The following SOX6 variants were observed in gnomAD, a reference collection of about 807,000 sequenced individuals.
SOX6 encodes SRY-box transcription factor 6.
In SOX6, 11 loss-of-function variants were observed where a neutral mutation model predicts 97.8. The observed-to-expected ratio is 0.11, with a 90% CI of 0.07 to 0.19. The LOEUF (loss-of-function observed/expected upper bound fraction) is 0.19, where lower values mean the gene tolerates loss of function less well. SOX6 is among the 10% of genes least tolerant of loss of function. The pLI is 1.00. For synonymous variants in SOX6, 360 were observed against 371.4 expected (o/e 0.97, Z 0.35); for missense variants, 810 against 1,039.5 (o/e 0.78, Z 3.04).
intron 6 of SOX6, among the ~76,000 whole-genome samples, chr11:16,141,858 G>A (rs932701660): frequency 1.7e-4 from 26 of 152,156 alleles, no homozygotes; most frequent in Non-Finnish European, 8.8e-5. Context: ...TGGCCAGGAA[G>A]CTCGAACTGG....
At chr11:16,222,137 A>G (rs1375738898) in intron 4 of SOX6, among the ~76,000 whole-genome samples, 2 of 152,206 alleles carry the variant, frequency 1.3e-5, no homozygotes, top group African/African-American at 4.8e-5. Flanking sequence ...ATACGAGTCC[A>G]ACATCTATTA....
chr11:16,640,304 C>T (rs11488785), intron 3 of SOX6, among the ~76,000 whole-genome samples: 40,697 of 151,990 alleles, frequency 0.27, 6,197 homozygotes, highest in East Asian at 0.53. Flanking sequence ...CTGCTGGATT[C>T]GGTTTGCCAG....
chr11:16,239,938 T>C (rs1454880798), intron 3 of SOX6, among the ~76,000 whole-genome samples: 1 of 152,088 alleles, frequency 6.6e-6, no homozygotes. Flanking sequence ...GCAGGCTCAC[T>C]TCCCCAAACA....
intron 6 of SOX6, among the ~76,000 whole-genome samples, chr11:16,153,912 T>C (rs547843203): frequency 1.3e-5 from 2 of 152,260 alleles, no homozygotes; most frequent in East Asian, 1.9e-4. Context: ...TACCACACAA[T>C]CTTATTAATT....
At chr11:16,381,864 T>A (rs1186506160) in intron 1 of SOX6, among the ~76,000 whole-genome samples, 1 of 151,750 alleles carries the variant, frequency 6.6e-6, no homozygotes, top group Admixed American at 6.6e-5. Context: ...TAAAAATAAA[T>A]GTTTAGACAT....
chr11:16,285,146 T>C (rs1386523801), intron 3 of SOX6, among the ~76,000 whole-genome samples: 1 of 152,032 alleles, frequency 6.6e-6, no homozygotes, highest in Non-Finnish European at 1.5e-5. Context: ...AAAAACAAAA[T>C]AAATGACATT....
intron 4 of SOX6, among the ~76,000 whole-genome samples, chr11:16,496,811 A>G (rs1590223407): frequency 6.6e-6 from 1 of 152,314 alleles, no homozygotes; most frequent in Non-Finnish European, 1.5e-5. Flanking sequence ...AGGTAAACAA[A>G]GCCACTGGGA....
At chr11:16,401,864 G>T (rs1470208101) in intron 1 of SOX6, among the ~76,000 whole-genome samples, 1 of 151,432 alleles carries the variant, frequency 6.6e-6, no homozygotes, top group African/African-American at 2.4e-5. Context: ...TCACATAAAG[G>T]TTGTTTGGGA....
intron 3 of SOX6, among the ~76,000 whole-genome samples, chr11:16,620,505 A>G (rs1407513556): frequency 2.0e-5 from 3 of 152,148 alleles, no homozygotes; most frequent in Non-Finnish European, 2.9e-5. Flanking sequence ...ATCAGACTCC[A>G]GGGATTACTG....
chr11:16,557,173 T>C (rs956025258), intron 4 of SOX6, among the ~76,000 whole-genome samples: 1 of 151,858 alleles, frequency 6.6e-6, no homozygotes, highest in Admixed American at 6.6e-5. Context: ...TTATCAAACA[T>C]GTCAAAAGCC....
At chr11:16,368,659 C>G (rs898068128) in intron 1 of SOX6, among the ~76,000 whole-genome samples, 6 of 151,628 alleles carry the variant, frequency 4.0e-5, no homozygotes, top group African/African-American at 1.2e-4. Flanking sequence ...AGATAAGAAA[C>G]CTTAGAGGAA....
intron 3 of SOX6, among the ~76,000 whole-genome samples, chr11:16,625,799 G>T (rs545881108): frequency 6.6e-6 from 1 of 152,038 alleles, no homozygotes; most frequent in Non-Finnish European, 1.5e-5. Flanking sequence ...TTAAGAGGGC[G>T]TAAGAGCTCC....
intron 10 of SOX6, among the ~76,000 whole-genome samples, chr11:16,054,417 T>TCTCA (rs1847763922): frequency 6.6e-6 from 1 of 152,120 alleles, no homozygotes; most frequent in African/African-American, 2.4e-5. Flanking sequence ...TATTGTCATA[T>TCTCA]CTCAATATTT....
chr11:16,576,423 C>T (rs1435962398), intron 4 of SOX6, among the ~76,000 whole-genome samples: 3 of 152,070 alleles, frequency 2.0e-5, no homozygotes, highest in Non-Finnish European at 4.4e-5. Flanking sequence ...AGCAATAGCC[C>T]ACATGATATA....
intron 4 of SOX6, among the ~76,000 whole-genome samples, chr11:16,525,823 G>A (rs1411353634): frequency 6.6e-6 from 1 of 152,084 alleles, no homozygotes; most frequent in African/African-American, 2.4e-5. Context: ...GTGGGCGAAG[G>A]ATATAAACAG....
chr11:16,585,903 G>A (rs1184691206), intron 4 of SOX6, among the ~76,000 whole-genome samples: 2 of 151,934 alleles, frequency 1.3e-5, no homozygotes, highest in Admixed American at 6.6e-5. Flanking sequence ...GGCTGGTCTT[G>A]AACTCCTGGG....
chr11:15,970,441 A>G lies in SOX6; in HGVS notation c.*2368T>C, dbSNP rs1171457874. On this transcript the variant is annotated 3_prime_UTR_variant, in exon 16 of 16. Transcript: ENST00000683767. Reference sequence around the variant, plus strand: ...CAACACTCTACCAATGCAACAAAATAAGAAAGAAGTGAGAGAGAGCAAAAG... The same window carrying G: ...CAACACTCTACCAATGCAACAAAATGAGAAAGAAGTGAGAGAGAGCAAAAG... The G allele has an allele frequency of 6.6e-6, 1 of 152,664 alleles. No individual in the cohort carries two copies. Among genetic ancestry groups the G allele is most frequent in the East Asian group, 1.9e-4 (1 of 5,196 alleles). 9.5% of individuals were successfully genotyped at this position (152,664 alleles called of 1,614,324 possible). A position where few individuals can be genotyped will look rare whatever the true frequency, so the allele number is the denominator to read the frequency against.
At chr11:16,142,009 T>C (rs1589968274) in intron 6 of SOX6, among the ~76,000 whole-genome samples, 1 of 152,198 alleles carries the variant, frequency 6.6e-6, no homozygotes, top group East Asian at 1.9e-4. Context: ...AGAGTAGTGG[T>C]TCTCCCAGCA....
chr11:16,606,731 T>C (rs1421287281), intron 4 of SOX6, among the ~76,000 whole-genome samples: 1 of 152,158 alleles, frequency 6.6e-6, no homozygotes, highest in African/African-American at 2.4e-5. Flanking sequence ...TTGTCAAAGG[T>C]TGCGTTGTGT....
Sources: allele counts gnomAD v4.1 joint callset (sites outside exome capture counted in the v4.1 genomes callset), GRCh38; gene constraint gnomAD v4.1.1; transcripts MANE v1.5; gene names NCBI Gene and HGNC (gene_info 2026-07-23, HGNC 2026-07-21).